The following HK1 variants were observed in gnomAD, a reference collection of about 807,000 sequenced individuals.
HK1 encodes hexokinase-1.
A neutral mutation model predicts 91.6 loss-of-function variants in HK1; 28 were observed. That is an observed-to-expected ratio of 0.31 (90% CI 0.23 to 0.42). The LOEUF is 0.42. Ranked by LOEUF, HK1 falls within the 10% of genes least tolerant of loss-of-function variation. The pLI, the probability that HK1 is intolerant of heterozygous loss-of-function variation, is 1.00. For missense variants in HK1, 770 were observed against 1,219.8 expected (o/e 0.63, Z 5.49); for synonymous variants, 430 against 468.1 (o/e 0.92, Z 1.05).
chr10:69,389,484 G>A (rs1839799713), intron 14 of HK1, 188 bp downstream of exon 14: 3 of 624,000 alleles, frequency 4.8e-6, no homozygotes, highest in Non-Finnish European at 8.9e-6. Context: ...GGAGGTGGGG[G>A]GGCCTTTCTT....
chr10:69,370,042 G>A (rs1849919616), intron 7 of HK1, among the ~76,000 whole-genome samples: 1 of 152,160 alleles, frequency 6.6e-6, no homozygotes, highest in Non-Finnish European at 1.5e-5. Flanking sequence ...GCGGCCTAAA[G>A]CCCATCAAAT....
chr10:69,286,682 G>A (rs1027183356), intron 2 of HK1, among the ~76,000 whole-genome samples: 1 of 152,026 alleles, frequency 6.6e-6, no homozygotes, highest in African/African-American at 2.4e-5. Context: ...CCAAGTAGCT[G>A]GGATTACAGG....
intron 2 of HK1, among the ~76,000 whole-genome samples, chr10:69,349,186 A>C (rs1051020168): frequency 6.6e-6 from 1 of 152,202 alleles, no homozygotes; most frequent in Admixed American, 6.5e-5. Flanking sequence ...CCAAAGAGAA[A>C]AGGAAATAAA....
intron 3 of HK1, among the ~76,000 whole-genome samples, chr10:69,363,001 G>A (rs934663532): frequency 6.6e-6 from 1 of 152,200 alleles, no homozygotes; most frequent in African/African-American, 2.4e-5. Flanking sequence ...GCTTGGGGGG[G>A]ATCTGGGGAA....
rs1490497807 is a variant in HK1 at position 69,401,438 on chromosome 10, G to A, written c.*303G>A. On this transcript the variant is annotated 3_prime_UTR_variant, in exon 18 of 18. Transcript: ENST00000359426. ...TTCTAATGTATGCATTCATCCAACA[G>A]AGTTATTTATTGGCTGGAGATGGAA... 4.2e-6 allele frequency: 2 copies of A among 471,594 alleles called. No homozygotes were observed. The highest frequency in any genetic ancestry group is 3.9e-5 in the African/African-American group (2 of 50,682). 29.2% of individuals were successfully genotyped at this position (471,594 alleles called of 1,614,324 possible). A position where few individuals can be genotyped will look rare whatever the true frequency, so the allele number is the denominator to read the frequency against.
chr10:69,394,016 A>G (rs1011043583), intron 15 of HK1, among the ~76,000 whole-genome samples: 1 of 152,230 alleles, frequency 6.6e-6, no homozygotes, highest in Non-Finnish European at 1.5e-5. Flanking sequence ...GTGGAATGAG[A>G]AGGACTGGGT....
At chr10:69,325,044 ATTT>A (rs1046990181) in intron 1 of HK1, among the ~76,000 whole-genome samples, 3 of 93,902 alleles carry the variant, frequency 3.2e-5, no homozygotes, top group Non-Finnish European at 2.0e-5. Context: ...AAAAATGTGT[ATTT>A]TTTTTTTTTT....
At position 69,369,957 on chromosome 10, in the gene HK1, C is replaced by G. The variant is rs1849914546; in HGVS notation, c.875+333C>G. Reference sequence around the variant, plus strand: ...TTCACCATGTTGGCCAGGCTGGTCTCAAACTCCTGACTTCAAGCGATCTGC... The same window carrying G: ...TTCACCATGTTGGCCAGGCTGGTCTGAAACTCCTGACTTCAAGCGATCTGC... On this transcript the variant is annotated intron_variant, in intron 7 of 17. Transcript: ENST00000359426. The surrounding 1 kb of genome is among the most constrained non-coding windows in gnomAD (Gnocchi z 4.4). Among the ~76,000 whole-genome samples the G allele has an allele frequency of 1.3e-5, 2 of 152,098 alleles. No homozygotes were observed.
At chr10:69,335,593 G>A (rs949242324) in intron 1 of HK1, among the ~76,000 whole-genome samples, 13 of 152,302 alleles carry the variant, frequency 8.5e-5, no homozygotes, top group African/African-American at 2.6e-4. Flanking sequence ...CAAGTATGTC[G>A]CCCTGGCCAG....
chr10:69,280,707 C>T (rs967470550), intron 1 of HK1, among the ~76,000 whole-genome samples: 48 of 152,148 alleles, frequency 3.2e-4, no homozygotes, highest in African/African-American at 1.1e-3. Flanking sequence ...CAGGCAGGCA[C>T]CAAATCTGCT....
At chr10:69,399,386 C>T (rs532529296) in intron 17 of HK1, among the ~76,000 whole-genome samples, 10 of 152,220 alleles carry the variant, frequency 6.6e-5, no homozygotes, top group African/African-American at 2.2e-4. Flanking sequence ...GTGGTGAATG[C>T]CTGTAGTCCC....
chr10:69,324,774 G>A (rs564988365), intron 1 of HK1, among the ~76,000 whole-genome samples: 1 of 152,246 alleles, frequency 6.6e-6, no homozygotes, highest in Admixed American at 6.5e-5. Context: ...CAGTTCTGGG[G>A]ATGTGTTAGT....
chr10:69,295,911 C>T (rs1371489578), intron 4 of HK1, among the ~76,000 whole-genome samples: 8 of 152,126 alleles, frequency 5.3e-5, no homozygotes, highest in Non-Finnish European at 1.2e-4. Context: ...CCTTCTTAGC[C>T]CTTTCTTGGA....
intron 16 of HK1, among the ~76,000 whole-genome samples, chr10:69,396,137 TG>T (rs1385779852): frequency 6.6e-6 from 1 of 151,894 alleles, no homozygotes; most frequent in African/African-American, 2.4e-5. Context: ...CCGGGCGTGG[TG>T]GCACATTCCT....
intron 1 of HK1, among the ~76,000 whole-genome samples, chr10:69,271,546 G>T (rs1003828683): frequency 2.6e-4 from 38 of 147,188 alleles, no homozygotes; most frequent in African/African-American, 9.5e-4. Flanking sequence ...GCGCAATCTC[G>T]GCTCACCACA....
At chr10:69,343,044 G>A (rs1463322118) in intron 1 of HK1, among the ~76,000 whole-genome samples, 1 of 152,168 alleles carries the variant, frequency 6.6e-6, no homozygotes, top group Non-Finnish European at 1.5e-5. Context: ...TGACTCGGAG[G>A]TGCAGGGCCC....
upstream of HK1, chr10:69,318,804 C>A: frequency 1.4e-6 from 2 of 1,391,440 alleles, no homozygotes; most frequent in Non-Finnish European, 1.9e-6. Flanking sequence ...CGCGAGCTGT[C>A]GCCGCGCCCC....
chr10:69,337,864 G>A (rs2132656378), intron 1 of HK1, among the ~76,000 whole-genome samples: 1 of 152,314 alleles, frequency 6.6e-6, no homozygotes, highest in Non-Finnish European at 1.5e-5. Context: ...GGCTGGGATG[G>A]TTACCAGTGG....
intron 1 of HK1, among the ~76,000 whole-genome samples, chr10:69,322,421 T>C (rs559895318): frequency 3.3e-5 from 5 of 152,258 alleles, no homozygotes; most frequent in Admixed American, 1.3e-4. Context: ...TCTGCATAAA[T>C]TGGTTAATGG....
Sources: allele counts gnomAD v4.1 joint callset (sites outside exome capture counted in the v4.1 genomes callset), GRCh38; gene constraint gnomAD v4.1.1; non-coding constraint Gnocchi (gnomAD v3.1); transcripts MANE v1.5; gene names NCBI Gene and HGNC (gene_info 2026-07-23, HGNC 2026-07-21).